The following ITGB5 variants were observed in gnomAD, a reference collection of about 807,000 sequenced individuals.
ITGB5 encodes the protein integrin beta-5.
ITGB5 carries 38 observed loss-of-function variants against 84.8 expected under a neutral mutation model. The observed-to-expected ratio is 0.45, with a 90% CI of 0.35 to 0.59. ITGB5 has a LOEUF of 0.59. Among genes scored for constraint, ITGB5 ranks in the 20% least tolerant of loss-of-function variants. ITGB5 has a pLI of 0.01. For synonymous variants in ITGB5, 393 were observed against 414.4 expected (o/e 0.95, Z 0.63); for missense variants, 905 against 1,034.5 (o/e 0.87, Z 1.72).
chr3:124,824,434 G>C (rs1191437049), intron 5 of ITGB5, among the ~76,000 whole-genome samples: 2 of 152,204 alleles, frequency 1.3e-5, no homozygotes, highest in Non-Finnish European at 2.9e-5. Flanking sequence ...TAAAACTTCT[G>C]AAGGAAACCT....
intron 1 of ITGB5, among the ~76,000 whole-genome samples, chr3:124,900,129 T>C (rs1181767441): frequency 2.6e-5 from 4 of 152,168 alleles, no homozygotes; most frequent in Non-Finnish European, 1.5e-5. Context: ...TGTCACATTG[T>C]TCCTACTGAC....
chr3:124,767,579 TA>T (rs1559920608), intron 12 of ITGB5, among the ~76,000 whole-genome samples: 1 of 152,072 alleles, frequency 6.6e-6, no homozygotes, highest in Non-Finnish European at 1.5e-5. Context: ...TGTGCCTAGT[TA>T]GGGGCAACCA....
chr3:124,890,408 T>C (rs1416499019), upstream of ITGB5, among the ~76,000 whole-genome samples: 2 of 151,690 alleles, frequency 1.3e-5, no homozygotes, highest in Non-Finnish European at 2.9e-5. Flanking sequence ...GGTTTCACCA[T>C]GTTAGCCAGG....
chr3:124,813,330 C>T (rs1416474253), intron 8 of ITGB5, among the ~76,000 whole-genome samples: 1 of 152,206 alleles, frequency 6.6e-6, no homozygotes, highest in African/African-American at 2.4e-5. Flanking sequence ...TTTTCCCCCA[C>T]ACACCATGCA....
intron 1 of ITGB5, among the ~76,000 whole-genome samples, chr3:124,897,776 A>G (rs1935134531): frequency 6.6e-6 from 1 of 152,216 alleles, no homozygotes; most frequent in Admixed American, 6.5e-5. Flanking sequence ...AATGGTGTTT[A>G]TGCTGGGTCT....
chr3:124,860,679 A>C (rs746626813), intron 2 of ITGB5, among the ~76,000 whole-genome samples: 4 of 152,224 alleles, frequency 2.6e-5, no homozygotes, highest in Non-Finnish European at 4.4e-5. Context: ...GGCAGGCTGG[A>C]AGCCAATGCT....
intron 2 of ITGB5, among the ~76,000 whole-genome samples, chr3:124,864,032 G>T (rs372746428): frequency 1.0e-5 from 1 of 97,250 alleles, no homozygotes; most frequent in Non-Finnish European, 2.1e-5. Context: ...AAGAAAGAAA[G>T]AAAGAAAAGA....
At chr3:124,805,773 G>A (rs1355171938) in intron 9 of ITGB5, among the ~76,000 whole-genome samples, 2 of 151,350 alleles carry the variant, frequency 1.3e-5, no homozygotes, top group Non-Finnish European at 2.9e-5. Context: ...TTTAATCACT[G>A]TTTATTTGCA....
chr3:124,869,318 G>A (rs575624472), intron 2 of ITGB5, among the ~76,000 whole-genome samples: 2 of 152,364 alleles, frequency 1.3e-5, no homozygotes, highest in East Asian at 3.9e-4. Context: ...GCTCACGCCT[G>A]TAATCCCAGC....
At chr3:124,899,459 T>A (rs1935176620) in intron 1 of ITGB5, among the ~76,000 whole-genome samples, 1 of 152,030 alleles carries the variant, frequency 6.6e-6, no homozygotes, top group South Asian at 2.1e-4. Context: ...CATCACTGCA[T>A]AAGGGCAGGA....
intron 5 of ITGB5, among the ~76,000 whole-genome samples, chr3:124,839,290 C>T (rs947064125): frequency 5.9e-5 from 9 of 152,136 alleles, no homozygotes; most frequent in African/African-American, 1.9e-4. Context: ...AGACAATGAA[C>T]TGAGAAAATC....
chr3:124,793,515 G>C (rs768885846), intron 10 of ITGB5, among the ~76,000 whole-genome samples: 1 of 152,242 alleles, frequency 6.6e-6, no homozygotes, highest in Non-Finnish European at 1.5e-5. Context: ...GGGGAACCAG[G>C]TGTGGCCCCC....
rs3772830 is a variant in ITGB5 at position 124,786,565 on chromosome 3, G to A, written c.1693+9823C>T. 1.1e-4 allele frequency among the ~76,000 whole-genome samples: 17 copies of A among 152,266 alleles called. No individual in the cohort carries two copies. The East Asian group carries it at 3.1e-3, about 28-fold the overall frequency. ...ACTTTGGGAGTGGTGGCTATGGGGT[G>A]GAGTGACAGCAGGTTCCCTCCTCTG... On this transcript the variant is annotated intron_variant, in intron 10 of 14. Coordinates refer to ENST00000296181, the MANE Select transcript of ITGB5 (RefSeq NM_002213.5).
chr3:124,866,090 G>A (rs2065384841), intron 2 of ITGB5, among the ~76,000 whole-genome samples: 1 of 151,944 alleles, frequency 6.6e-6, no homozygotes, highest in African/African-American at 2.4e-5. Context: ...CTGCCTCCTG[G>A]GGTCAAGTGA....
intron 2 of ITGB5, among the ~76,000 whole-genome samples, chr3:124,871,430 G>A (rs1373648336): frequency 6.6e-6 from 1 of 152,142 alleles, no homozygotes; most frequent in Non-Finnish European, 1.5e-5. Flanking sequence ...TCCTGACCTT[G>A]TGATCCACCC....
chr3:124,896,608 G>A (rs1270643405), intron 1 of ITGB5, among the ~76,000 whole-genome samples: 1 of 152,058 alleles, frequency 6.6e-6, no homozygotes, highest in Non-Finnish European at 1.5e-5. Flanking sequence ...GCCAGGCACA[G>A]TAATGACATG....
chr3:124,848,811 G>T (rs898070033), intron 3 of ITGB5, among the ~76,000 whole-genome samples: 1 of 151,802 alleles, frequency 6.6e-6, no homozygotes, highest in Non-Finnish European at 1.5e-5. Context: ...AGACAGTGTT[G>T]CTCTGTCGCC....
intron 1 of ITGB5, among the ~76,000 whole-genome samples, chr3:124,900,667 T>C (rs1272574732): frequency 1.3e-5 from 2 of 152,196 alleles, no homozygotes; most frequent in Non-Finnish European, 2.9e-5. Context: ...CTTTTTGCAC[T>C]GTGGATTGTC....
intron 11 of ITGB5, among the ~76,000 whole-genome samples, chr3:124,772,865 T>G (rs1308749581): frequency 1.3e-5 from 2 of 152,072 alleles, no homozygotes; most frequent in African/African-American, 4.8e-5. Flanking sequence ...TTTGCAGTGG[T>G]TTCTGGCATG....
Sources: gnomAD v4.1 joint callset for allele counts (sites outside exome capture counted in the v4.1 genomes callset) on GRCh38, gnomAD v4.1.1 for gene constraint, MANE v1.5 for transcripts, NCBI Gene and HGNC (gene_info 2026-07-23, HGNC 2026-07-21) for gene names.